Variants in KAZN observed in about 807,000 individuals in gnomAD.
KAZN encodes the protein kazrin, periplakin interacting protein.
Under a neutral mutation model 87.4 loss-of-function variants are expected in KAZN, and 40 were observed. That is an observed-to-expected ratio of 0.46 (90% CI 0.36 to 0.60). The LOEUF (loss-of-function observed/expected upper bound fraction) is 0.60. KAZN is among the 20% of genes least tolerant of loss of function. KAZN has a pLI of 0.00. For missense variants in KAZN, 898 were observed against 1,073.9 expected, an observed-to-expected ratio of 0.84 and a Z score of 2.29; for synonymous variants, 466 against 458.3, an observed-to-expected ratio of 1.02 and a Z score of -0.22.
At chr1:14,890,429 A>G (rs969695252) in intron 1 of KAZN, among the ~76,000 whole-genome samples, 8 of 152,240 alleles carry the variant, frequency 5.3e-5, no homozygotes, top group Non-Finnish European at 1.2e-4. Flanking sequence ...AAAGTATAGG[A>G]CAAAGAAACT....
intron 1 of KAZN, among the ~76,000 whole-genome samples, chr1:14,907,820 C>T (rs1321991737): frequency 1.3e-5 from 2 of 152,080 alleles, no homozygotes; most frequent in African/African-American, 4.8e-5. Flanking sequence ...GGAGGTGGAT[C>T]CCCGCTCAGC....
At position 15,103,308 on chromosome 1, in the gene KAZN, G is replaced by A. The variant is rs147781827; in HGVS notation, c.1780-51G>A. ...GCGGGGCACCCCCACTCCACACGTG[G>A]CCTCTGCGTGTCCCCTTGTCCCTCC... On this transcript the variant is annotated intron_variant, in intron 11 of 14. Coordinates refer to ENST00000376030, the MANE Select transcript of KAZN (RefSeq NM_201628.3). 458 of 1,374,030 alleles carry A rather than the reference G, an allele frequency of 3.3e-4. No individual in the cohort carries two copies. The African/African-American group carries it at 5.9e-3, about 18-fold the overall frequency. The allele number at this position is 1,374,030 out of a possible 1,614,324, so 85.1% of individuals were successfully genotyped here. A position where few individuals can be genotyped will look rare whatever the true frequency, so the allele number is the denominator to read the frequency against.
In KAZN at chr1:13,996,167, C is replaced by A. The variant is rs571098547; in HGVS notation, c.91+102411C>A. On this transcript the variant is annotated intron_variant, in intron 1 of 16. Coordinates refer to the KAZN transcript ENST00000636203. ...GGCAGTGAGTGAGCGTGCTACCCAG[C>A]TGGGGAAACTGTGCTTTTTCCACAG... Among the ~76,000 whole-genome samples, 558 of 152,298 alleles carry A rather than the reference C, an allele frequency of 3.7e-3. 3 individuals are homozygous for A. The highest frequency in any genetic ancestry group is 0.013 in the African/African-American group (534 of 41,556).
intron 1 of KAZN, among the ~76,000 whole-genome samples, chr1:14,682,942 C>T (rs1013597139): frequency 6.6e-6 from 1 of 152,212 alleles, no homozygotes; most frequent in African/African-American, 2.4e-5. Context: ...AAAATCCTCT[C>T]TCCTTTTCTT....
intron 2 of KAZN, among the ~76,000 whole-genome samples, chr1:14,435,605 A>G (rs1004215602): frequency 6.6e-6 from 1 of 152,114 alleles, no homozygotes; most frequent in Non-Finnish European, 1.5e-5. Context: ...CTGGGACCCA[A>G]TTACACCCAG....
At chr1:13,963,732 T>C (rs1641838906) in intron 1 of KAZN, among the ~76,000 whole-genome samples, 1 of 151,690 alleles carries the variant, frequency 6.6e-6, no homozygotes, top group African/African-American at 2.4e-5. Context: ...CTGTGTTCTT[T>C]AAAGGGTTAA....
chr1:15,101,738 G>A lies in KAZN; in HGVS notation c.1743G>A (p.Gly581=), dbSNP rs200983584. 3.3e-5 allele frequency: 53 copies of A among 1,589,094 alleles called. No homozygotes were observed. In the East Asian group the frequency reaches 9.6e-4, roughly 29 times the overall value. The change falls in exon 11 of 15, where the codon GGG becomes GGA. Residue 581 remains glycine (G), a synonymous_variant. Coordinates refer to ENST00000376030, the MANE Select transcript of KAZN (RefSeq NM_201628.3). ...TCCACCAGGTCAGCATCCTGCTGGG[G>A]ATCGAGCTGCTGTACCAAGTGAACT... The part of the protein sequence containing the change: ...KKFHQVSILL[G]IELLYQVNFS...
intron 2 of KAZN, among the ~76,000 whole-genome samples, chr1:14,511,875 C>T (rs1670924125): frequency 6.6e-6 from 1 of 152,050 alleles, no homozygotes; most frequent in Non-Finnish European, 1.5e-5. Context: ...AAGCTGCATT[C>T]AACATAAATA....
At chr1:14,216,442 A>T (rs935188298) in intron 2 of KAZN, among the ~76,000 whole-genome samples, 4 of 152,186 alleles carry the variant, frequency 2.6e-5, no homozygotes, top group African/African-American at 9.6e-5. Context: ...GTATAAAGAC[A>T]AGGGAAAGAG....
At chr1:14,513,534 G>A (rs1052143149) in intron 2 of KAZN, among the ~76,000 whole-genome samples, 10 of 152,036 alleles carry the variant, frequency 6.6e-5, no homozygotes, top group African/African-American at 2.2e-4. Flanking sequence ...AGTTTTTTCC[G>A]TCTTTCTAAG....
At chr1:15,084,470 G>T (rs527661538) in intron 8 of KAZN, among the ~76,000 whole-genome samples, 1 of 152,202 alleles carries the variant, frequency 6.6e-6, no homozygotes, top group Non-Finnish European at 1.5e-5. Flanking sequence ...CAGAAAATAA[G>T]GGAAATCCCC....
intron 2 of KAZN, among the ~76,000 whole-genome samples, chr1:14,390,509 G>A (rs1413251628): frequency 6.6e-6 from 1 of 152,206 alleles, no homozygotes; most frequent in Non-Finnish European, 1.5e-5. Context: ...TTTGGGGGAT[G>A]AGCATTCCAT....
intron 2 of KAZN, among the ~76,000 whole-genome samples, chr1:14,456,463 G>A (rs1049254583): frequency 3.9e-5 from 6 of 152,000 alleles, no homozygotes; most frequent in African/African-American, 7.2e-5. Context: ...GTTTATACCT[G>A]TTCTTACAAG....
At chr1:13,914,704 G>A (rs1158116088) in intron 1 of KAZN, among the ~76,000 whole-genome samples, 1 of 152,222 alleles carries the variant, frequency 6.6e-6, no homozygotes, top group African/African-American at 2.4e-5. Context: ...ATGGCTGGGT[G>A]GAGTGGCTCA....
intron 1 of KAZN, among the ~76,000 whole-genome samples, chr1:14,883,681 C>G (rs566919877): frequency 1.3e-5 from 2 of 152,244 alleles, no homozygotes; most frequent in South Asian, 2.1e-4. Flanking sequence ...GCTCTCCCTC[C>G]CTATCAAAGC....
chr1:14,639,020 C>T (rs1468932718), intron 1 of KAZN, among the ~76,000 whole-genome samples: 1 of 152,222 alleles, frequency 6.6e-6, no homozygotes, highest in Non-Finnish European at 1.5e-5. Context: ...GTGCTACCTT[C>T]CACCATACAC....
chr1:14,996,086 G>T lies in KAZN; in HGVS notation c.418+35211G>T, dbSNP rs74060145. Among the ~76,000 whole-genome samples, 1 of 152,016 alleles carries T rather than the reference G, an allele frequency of 6.6e-6. No individual in the cohort carries two copies. Among genetic ancestry groups the T allele is most frequent in the South Asian group, 2.1e-4 (1 of 4,826 alleles). ...CCAGCCCCTTCTGCCTCTGGAGAGG[G>T]TCCATACCCTGCACAGCAGACGCGA... On this transcript the variant is annotated intron_variant, in intron 2 of 14. Coordinates refer to ENST00000376030, the MANE Select transcript of KAZN (RefSeq NM_201628.3). This position sits in a 1 kb window ranked among gnomAD's most constrained non-coding sequence, Gnocchi z 5.9.
At chr1:14,841,072 T>C (rs1217516062) in intron 1 of KAZN, among the ~76,000 whole-genome samples, 2 of 152,146 alleles carry the variant, frequency 1.3e-5, no homozygotes, top group Non-Finnish European at 2.9e-5. Flanking sequence ...TGCAATACAT[T>C]TGGCACATTT....
chr1:14,229,508 A>G (rs1647609393), intron 2 of KAZN, among the ~76,000 whole-genome samples: 1 of 152,258 alleles, frequency 6.6e-6, no homozygotes, highest in South Asian at 2.1e-4. Context: ...AAAGATGAAC[A>G]GATGTAAAGA....
Sources: gnomAD v4.1 joint callset for allele counts (sites outside exome capture counted in the v4.1 genomes callset) on GRCh38, gnomAD v4.1.1 for gene constraint, Gnocchi (gnomAD v3.1) non-coding constraint, MANE v1.5 for transcripts, NCBI Gene and HGNC (gene_info 2026-07-23, HGNC 2026-07-21) for gene names.